LCN15: variants seen among roughly 807,000 people sequenced by gnomAD.
The protein encoded by LCN15 is lipocalin-15.
In LCN15, 26 loss-of-function variants were observed where a neutral mutation model predicts 23.1. That is an observed-to-expected ratio of 1.13 (90% CI 0.82 to 1.56). The LOEUF (loss-of-function observed/expected upper bound fraction) is 1.56. Ranked by LOEUF, LCN15 falls within the 40% of genes most tolerant of loss-of-function variation. The pLI is 0.00. For synonymous variants in LCN15, 107 were observed against 98.3 expected, an observed-to-expected ratio of 1.09 and a Z score of -0.52; for missense variants, 241 against 239.5, an observed-to-expected ratio of 1.01 and a Z score of -0.04.
chr9:136,762,299 G>A lies in LCN15; in HGVS notation c.419-10C>T. The A allele has an allele frequency of 6.6e-7, 1 of 1,507,008 alleles. No individual in the cohort carries two copies. Among genetic ancestry groups the A allele is most frequent in the African/African-American group, 1.4e-5 (1 of 72,668 alleles). 93.4% of individuals were successfully genotyped at this position (1,507,008 alleles called of 1,614,324 possible). On this transcript the variant is annotated splice_polypyrimidine_tract_variant and intron_variant, in intron 4 of 6. Transcript: ENST00000316144. Reference sequence around the variant, plus strand: ...ACATCCTGGGTCCGGCCTGGGCAGAGCAGAGGTCACTGTGAACTCAGCAGC... The same window carrying A: ...ACATCCTGGGTCCGGCCTGGGCAGAACAGAGGTCACTGTGAACTCAGCAGC...
rs903383303 is a variant in LCN15, at chr9:136,764,134, T to C, written c.97-125A>G. On this transcript the variant is annotated intron_variant, in intron 1 of 6. Transcript: ENST00000316144. ...TCTCGGAGTGGCCATGTCTTGGGTG[T>C]GAGCTGAGCCCAGGTGGACAGGAAC... The C allele has an allele frequency of 1.1e-5, 14 of 1,220,426 alleles. No homozygotes were observed. In the African/African-American group the frequency reaches 1.8e-4, roughly 16 times the overall value. 75.6% of individuals were successfully genotyped at this position (1,220,426 alleles called of 1,614,324 possible).
At chr9:136,763,496 C>A in intron 3 of LCN15, 29 bp from the exon 4 acceptor site, 1 of 1,510,074 alleles carries the variant, frequency 6.6e-7, no homozygotes, top group Non-Finnish European at 9.1e-7. Context: ...CCTTTTCAGG[C>A]TGGAGAAGTG....
At chr9:136,764,230 C>A in intron 1 of LCN15, 163 bp downstream of exon 1, 1 of 804,636 alleles carries the variant, frequency 1.2e-6, no homozygotes, top group Non-Finnish European at 2.0e-6. Context: ...AGTAATGATC[C>A]ATTCACAGGT....
intron 6 of LCN15, among the ~76,000 whole-genome samples, chr9:136,760,109 C>T (rs1379254005): frequency 6.6e-6 from 1 of 152,214 alleles, no homozygotes; most frequent in African/African-American, 2.4e-5. Flanking sequence ...GGCTGCATGG[C>T]AAGAAAAGCC....
Position 136,761,878 on chromosome 9 carries a change from G to T in LCN15, c.521-25C>A, listed in dbSNP as rs1847321368. Reference sequence around the variant, plus strand: ...TCTGTGGGGAGGAAGACATCCGTGAGATGCTGACGGCCAGGACCGCCCTCG... The same window carrying T: ...TCTGTGGGGAGGAAGACATCCGTGATATGCTGACGGCCAGGACCGCCCTCG... On this transcript the variant is annotated intron_variant, in intron 5 of 6. Transcript: ENST00000316144. The surrounding 1 kb of genome is among the most constrained non-coding windows in gnomAD (Gnocchi z 4.2). 1 of 1,334,946 alleles carries T rather than the reference G, an allele frequency of 7.5e-7. No homozygotes were observed. Among genetic ancestry groups the T allele is most frequent in the Non-Finnish European group, 9.6e-7 (1 of 1,041,876 alleles). The allele number at this position is 1,334,946 out of a possible 1,614,324, so 82.7% of individuals were successfully genotyped here. A position where few individuals can be genotyped will look rare whatever the true frequency, so the allele number is the denominator to read the frequency against.
intron 6 of LCN15, among the ~76,000 whole-genome samples, chr9:136,760,674 C>T (rs759463315): frequency 3.9e-5 from 6 of 152,270 alleles, no homozygotes; most frequent in Admixed American, 2.0e-4. Flanking sequence ...CCCGCCCGCA[C>T]GTGGCTCCTG....
In LCN15 at chr9:136,761,930, G is replaced by A; in HGVS notation, c.521-77C>T. On this transcript the variant is annotated intron_variant, in intron 5 of 6. Transcript: ENST00000316144. The surrounding 1 kb of genome is among the most constrained non-coding windows in gnomAD (Gnocchi z 4.2). ...TTCCCGCAGCCCCCAACCCCTGGGT[G>A]CCAAGGGCCACTGGACAGCTCCACC... 1.7e-6 allele frequency: 2 copies of A among 1,185,402 alleles called. No homozygotes were observed. The highest frequency in any genetic ancestry group is 1.1e-6 in the Non-Finnish European group (1 of 908,304). 73.4% of individuals were successfully genotyped at this position (1,185,402 alleles called of 1,614,324 possible).
rs377561710 is a variant in LCN15 at position 136,763,459 on chromosome 9, A to G, written c.316T>C (p.Tyr106His). Reference protein sequence around the residue: ...EGHFRVPALGYLDVRIVDTDY... With the variant: ...EGHFRVPALGHLDVRIVDTDY... ...GTGTCCACGATGCGCACGTCCAGGTAGCCCAAGGCTGCGGAGAGGCAGGCG... is the reference window on the plus strand; with the variant it reads ...GTGTCCACGATGCGCACGTCCAGGTGGCCCAAGGCTGCGGAGAGGCAGGCG... The change falls in exon 4 of 7, where the codon TAC becomes CAC. Residue 106 changes from tyrosine to histidine, a missense_variant. Tyr to His is a moderately conservative substitution (Grantham distance 83, BLOSUM62 2). Transcript: ENST00000316144. The G allele has an allele frequency of 6.2e-7, 1 of 1,603,956 alleles. No homozygotes were observed. Among genetic ancestry groups the G allele is most frequent in the African/African-American group, 1.3e-5 (1 of 74,614 alleles).
intron 3 of LCN15, 65 bp from the exon 4 acceptor site, chr9:136,763,532 C>A: frequency 7.7e-7 from 1 of 1,296,310 alleles, no homozygotes; most frequent in South Asian, 1.3e-5. Context: ...CGACCCCACC[C>A]ATGCCTGCCC....
intron 4 of LCN15, among the ~76,000 whole-genome samples, chr9:136,762,556 A>G (rs1847331427): frequency 2.0e-5 from 3 of 152,102 alleles, no homozygotes; most frequent in African/African-American, 7.2e-5. Context: ...GCAGCCCGGA[A>G]GCCTCCAGCC....
In LCN15 at chr9:136,761,153, G is replaced by A. The variant is rs36054258; in HGVS notation, c.*32+634C>T. Among the ~76,000 whole-genome samples, 1 of 152,164 alleles carries A rather than the reference G, an allele frequency of 6.6e-6. No homozygotes were observed. Among genetic ancestry groups the A allele is most frequent in the Non-Finnish European group, 1.5e-5 (1 of 68,038 alleles). ...AGCGGCAGCCGTGGGAGCTGGGGGGGCGGTGTGGGAGGGAGTCTCCTTCAG... is the reference window on the plus strand; with the variant it reads ...AGCGGCAGCCGTGGGAGCTGGGGGGACGGTGTGGGAGGGAGTCTCCTTCAG... On this transcript the variant is annotated intron_variant, in intron 6 of 6. Coordinates refer to ENST00000316144, the MANE Select transcript of LCN15 (RefSeq NM_203347.2). This position sits in a 1 kb window ranked among gnomAD's most constrained non-coding sequence, Gnocchi z 4.2.
At position 136,763,386 on chromosome 9, in the gene LCN15, C is replaced by A. The variant is rs766564600; in HGVS notation, c.389G>T (p.Gly130Val). 14 of 1,602,324 alleles carry A rather than the reference C, an allele frequency of 8.7e-6. No homozygotes were observed. The highest frequency in any genetic ancestry group is 7.8e-5 in the South Asian group (7 of 89,896). ...AVLYIYKELE[G>V]ALSTMVQLYS... The stretch of plus-strand genomic sequence containing the variant: ...GAGCTGCACCATGGTGCTGAGGGCC[C>A]CCTCCAGCTCCTTGTAGATGTAAAG... Residue 130 changes from glycine (G) to valine (V), a missense_variant, in exon 4 of 7, where the codon GGG (glycine) becomes GTG (valine). Coordinates refer to ENST00000316144, the MANE Select transcript of LCN15 (RefSeq NM_203347.2).
Position 136,762,308 on chromosome 9 carries a change from A to T in LCN15, c.419-19T>A. On this transcript the variant is annotated intron_variant, in intron 4 of 6. Coordinates refer to ENST00000316144, the MANE Select transcript of LCN15 (RefSeq NM_203347.2). Reference sequence around the variant, plus strand: ...GTCCGGCCTGGGCAGAGCAGAGGTCACTGTGAACTCAGCAGCTCACAGGAG... The same window carrying T: ...GTCCGGCCTGGGCAGAGCAGAGGTCTCTGTGAACTCAGCAGCTCACAGGAG... 1 of 1,423,744 alleles carries T rather than the reference A, an allele frequency of 7.0e-7. No individual in the cohort carries two copies. The highest frequency in any genetic ancestry group is 9.8e-7 in the Non-Finnish European group (1 of 1,022,982). The allele number at this position is 1,423,744 out of a possible 1,614,324, so 88.2% of individuals were successfully genotyped here.
rs780106329 is a variant in LCN15, at chr9:136,761,849, T to C, written c.525A>G (p.Ala175=). ...DMMVMLPQSD[A]CNPESKEAP The stretch of plus-strand genomic sequence containing the variant: ...GCGCCTCCTTGCTCTCAGGGTTGCA[T>C]GCATCTGTGGGGAGGAAGACATCCG... Residue 175 remains alanine, a synonymous_variant, in exon 6 of 7, where the codon GCA becomes GCG. Coordinates refer to ENST00000316144, the MANE Select transcript of LCN15 (RefSeq NM_203347.2). This position sits in a 1 kb window ranked among gnomAD's most constrained non-coding sequence, Gnocchi z 4.2. The C allele has an allele frequency of 2.3e-6, 3 of 1,324,306 alleles. No homozygotes were observed. The allele number at this position is 1,324,306 out of a possible 1,614,324, so 82.0% of individuals were successfully genotyped here. A position where few individuals can be genotyped will look rare whatever the true frequency, so the allele number is the denominator to read the frequency against.
chr9:136,762,993 C>A (rs1847336606), intron 4 of LCN15, among the ~76,000 whole-genome samples: 1 of 150,516 alleles, frequency 6.6e-6, no homozygotes, highest in Admixed American at 6.6e-5. Context: ...CAGGGAAGGG[C>A]GGGGCACCAC....
Position 136,764,392 on chromosome 9 carries a change from C to T in LCN15, c.96+1G>A. ...CACAGGACAGCAGAGGCCCCTGGTA[C>T]CTTTTCAGCATTGAAGTCAGGCTGC... On this transcript the variant is annotated splice_donor_variant, in intron 1 of 6. Transcript: ENST00000316144. LOFTEE classifies it high-confidence loss of function. 1 of 1,612,692 alleles carries T rather than the reference C, an allele frequency of 6.2e-7. No homozygotes were observed. The highest frequency in any genetic ancestry group is 8.5e-7 in the Non-Finnish European group (1 of 1,179,320).
In LCN15 at chr9:136,763,359, T is replaced by C. The variant is rs562217650; in HGVS notation, c.416A>G (p.Tyr139Cys). The C allele has an allele frequency of 1.3e-6, 2 of 1,553,308 alleles. No individual in the cohort carries two copies. Among genetic ancestry groups the C allele is most frequent in the East Asian group, 2.3e-5 (1 of 44,428 alleles). The stretch of plus-strand genomic sequence containing the variant: ...GGGGAGGTGGGACAGGCACTCACTG[T>C]AGAGCTGCACCATGGTGCTGAGGGC... ...EGALSTMVQL[Y>C]SRTQDVSPQA... is the part of the protein sequence containing the mutation. The change falls in exon 4 of 7, where the codon TAC (tyrosine) becomes TGC (cysteine). Residue 139 changes from tyrosine to cysteine, a missense_variant and splice_region_variant. Coordinates refer to ENST00000316144, the MANE Select transcript of LCN15 (RefSeq NM_203347.2).
At chr9:136,762,373 G>C in intron 4 of LCN15, 84 bp from the exon 5 acceptor site, 1 of 797,002 alleles carries the variant, frequency 1.3e-6, no homozygotes, top group South Asian at 1.6e-5. Flanking sequence ...ACCAGCCTGA[G>C]GGCTGACAGC....
Position 136,763,397 on chromosome 9 carries a change from C to T in LCN15, c.378G>A (p.Lys126=), listed in dbSNP as rs1847343187. 1 of 1,608,010 alleles carries T rather than the reference C, an allele frequency of 6.2e-7. No individual in the cohort carries two copies. The highest frequency in any genetic ancestry group is 8.5e-7 in the Non-Finnish European group (1 of 1,177,636). The part of the protein sequence containing the change: ...YSSFAVLYIY[K]ELEGALSTMV... ...TGGTGCTGAGGGCCCCCTCCAGCTC[C>T]TTGTAGATGTAAAGGACGGCGAAGG... Residue 126 remains lysine, a synonymous_variant, in exon 4 of 7, where the codon AAG becomes AAA. Coordinates refer to ENST00000316144, the MANE Select transcript of LCN15 (RefSeq NM_203347.2).
Sources: gnomAD v4.1 joint callset for allele counts (sites outside exome capture counted in the v4.1 genomes callset) on GRCh38, gnomAD v4.1.1 for gene constraint, Gnocchi (gnomAD v3.1) non-coding constraint, MANE v1.5 for transcripts, NCBI Gene and HGNC (gene_info 2026-07-23, HGNC 2026-07-21) for gene names.